The following SPTLC2 variants were observed in gnomAD, a reference collection of about 807,000 sequenced individuals.
SPTLC2 encodes serine palmitoyltransferase long chain base subunit 2.
Under a neutral mutation model 62.0 loss-of-function variants are expected in SPTLC2, and 21 were observed. That is an observed-to-expected ratio of 0.34 (90% CI 0.24 to 0.49). The LOEUF (loss-of-function observed/expected upper bound fraction) is 0.49, where lower values mean the gene tolerates loss of function less well. Ranked by LOEUF, SPTLC2 falls within the 20% of genes least tolerant of loss-of-function variation. The pLI, the probability that SPTLC2 is intolerant of heterozygous loss-of-function variation, is 0.99. For missense variants in SPTLC2, 511 were observed against 713.0 expected, an observed-to-expected ratio of 0.72 and a Z score of 3.23; for synonymous variants, 261 against 261.8, an observed-to-expected ratio of 1.00 and a Z score of 0.03.
intron 4 of SPTLC2, among the ~76,000 whole-genome samples, chr14:77,576,208 C>T (rs917972945): frequency 6.6e-6 from 1 of 152,196 alleles, no homozygotes; most frequent in Non-Finnish European, 1.5e-5. Flanking sequence ...TTGGAACAAT[C>T]TGAAATCTTC....
chr14:77,555,100 A>T (rs1416573121), intron 8 of SPTLC2, among the ~76,000 whole-genome samples, 200 bp downstream of exon 8: 1 of 152,216 alleles, frequency 6.6e-6, no homozygotes, highest in Non-Finnish European at 1.5e-5. Flanking sequence ...AGAAGCTCAA[A>T]TAAGAAAACA....
At chr14:77,524,508 G>A (rs1013335188) in intron 9 of SPTLC2, among the ~76,000 whole-genome samples, 13 of 151,756 alleles carry the variant, frequency 8.6e-5, no homozygotes, top group African/African-American at 2.9e-4. Context: ...TCCCACTACT[G>A]CTGTTTATCC....
chr14:77,535,483 G>C (rs1050550974), intron 9 of SPTLC2: 1 of 153,986 alleles, frequency 6.5e-6, no homozygotes, highest in Non-Finnish European at 1.4e-5. Flanking sequence ...TAGATGCAAA[G>C]AGGGAAGCAG....
chr14:77,569,092 A>G (rs557480763), intron 5 of SPTLC2, among the ~76,000 whole-genome samples: 1 of 145,758 alleles, frequency 6.9e-6, no homozygotes, highest in African/African-American at 2.5e-5. Context: ...CTCTTGATGA[A>G]TTAATTCCTT....
At chr14:77,557,418 T>A in intron 6 of SPTLC2, 1 of 458,322 alleles carries the variant, frequency 2.2e-6, no homozygotes, top group Admixed American at 3.5e-5. Flanking sequence ...AAATGACCAG[T>A]GTCTCATGTT....
intron 3 of SPTLC2, among the ~76,000 whole-genome samples, chr14:77,577,907 G>A (rs1225616518): frequency 6.6e-6 from 1 of 151,068 alleles, no homozygotes; most frequent in African/African-American, 2.5e-5. Flanking sequence ...CACTTTGGGA[G>A]GCCAAGGTGG....
intron 8 of SPTLC2, among the ~76,000 whole-genome samples, chr14:77,554,269 T>TA: frequency 6.6e-6 from 1 of 152,350 alleles, no homozygotes; most frequent in Non-Finnish European, 1.5e-5. Flanking sequence ...TTCATTGTGA[T>TA]ATAAGCCACA....
intron 1 of SPTLC2, among the ~76,000 whole-genome samples, chr14:77,615,300 A>G (rs557664954): frequency 5.4e-4 from 82 of 152,336 alleles, no homozygotes; most frequent in Non-Finnish European, 7.5e-4. Flanking sequence ...CTCAGTCTCA[A>G]TATCTCAACA....
intron 9 of SPTLC2, among the ~76,000 whole-genome samples, chr14:77,542,491 A>T (rs2079506738): frequency 6.6e-6 from 1 of 152,224 alleles, no homozygotes; most frequent in Non-Finnish European, 1.5e-5. Flanking sequence ...AGGGACTTCC[A>T]GGAAGCAAGA....
intron 2 of SPTLC2, among the ~76,000 whole-genome samples, chr14:77,589,890 A>ATCATTGC (rs1319135103): frequency 1.3e-5 from 2 of 151,684 alleles, no homozygotes; most frequent in Non-Finnish European, 2.9e-5. Flanking sequence ...AGGCATGAGA[A>ATCATTGC]TCACTTGAAC....
At position 77,518,154 on chromosome 14, in the gene SPTLC2, C is replaced by G. The variant is rs1317731653; in HGVS notation, c.1453G>C (p.Glu485Gln). The change falls in exon 11 of 12, where the codon GAG becomes CAG. Residue 485 changes from glutamate (E) to glutamine (Q), a missense_variant. By Grantham distance (29) the Glu-to-Gln change is conservative. Transcript: ENST00000216484. ...ACACCGATGTTCCGCTTCAGCATCT[C>G]CCGTCCAAAGGCGCTGCAAAGGGGA... ...MPAKIGAFGR[E>Q]MLKRNIGVVV... is the part of the protein sequence containing the mutation. The G allele has an allele frequency of 6.2e-7, 1 of 1,614,136 alleles. No individual in the cohort carries two copies. Among genetic ancestry groups the G allele is most frequent in the African/African-American group, 1.3e-5 (1 of 75,014 alleles).
chr14:77,514,899 A>G (rs535514151), intron 11 of SPTLC2, among the ~76,000 whole-genome samples: 1 of 152,300 alleles, frequency 6.6e-6, no homozygotes, highest in African/African-American at 2.4e-5. Context: ...ATTGTAAGTT[A>G]TGTAGTCTTT....
At chr14:77,521,744 G>A in intron 9 of SPTLC2, 163 bp from the exon 10 acceptor site, 1 of 678,490 alleles carries the variant, frequency 1.5e-6, no homozygotes, top group East Asian at 2.7e-5. Context: ...GAATATAAAT[G>A]TAAAATGTCT....
At chr14:77,606,718 A>T (rs2079907254) in intron 1 of SPTLC2, among the ~76,000 whole-genome samples, 1 of 152,004 alleles carries the variant, frequency 6.6e-6, no homozygotes, top group Non-Finnish European at 1.5e-5. Context: ...TGGGCACAGG[A>T]GCTCACGCCT....
intron 3 of SPTLC2, chr14:77,578,752 T>A (rs561882931): frequency 1.9e-6 from 1 of 528,998 alleles, no homozygotes; most frequent in African/African-American, 2.1e-5. Flanking sequence ...TCTTCTGAAC[T>A]ATAATCCAAC....
intron 1 of SPTLC2, among the ~76,000 whole-genome samples, chr14:77,615,787 C>G (rs899061727): frequency 1.3e-5 from 2 of 152,202 alleles, no homozygotes; most frequent in East Asian, 1.9e-4. Flanking sequence ...CACTCGTGTT[C>G]AGGAAAGGGT....
intron 2 of SPTLC2, among the ~76,000 whole-genome samples, chr14:77,583,077 G>A (rs2079760977): frequency 6.6e-6 from 1 of 152,020 alleles, no homozygotes; most frequent in Admixed American, 6.6e-5. Flanking sequence ...GCATGTGCCT[G>A]CAGTCCCAGC....
chr14:77,614,197 G>A (rs961494149), intron 1 of SPTLC2, among the ~76,000 whole-genome samples: 3 of 152,128 alleles, frequency 2.0e-5, no homozygotes, highest in Non-Finnish European at 4.4e-5. Flanking sequence ...TTATTAGTTG[G>A]CAAGCTCTGA....
At chr14:77,574,804 G>A (rs1420809184) in intron 4 of SPTLC2, among the ~76,000 whole-genome samples, 2 of 152,090 alleles carry the variant, frequency 1.3e-5, no homozygotes, top group Admixed American at 1.3e-4. Context: ...AATCTATAAA[G>A]ACAAAAAGTA....
Sources: gnomAD v4.1 joint callset for allele counts (sites outside exome capture counted in the v4.1 genomes callset) on GRCh38, gnomAD v4.1.1 for gene constraint, MANE v1.5 for transcripts, NCBI Gene and HGNC (gene_info 2026-07-23, HGNC 2026-07-21) for gene names.